CTNNA2: variants seen among roughly 807,000 people sequenced by gnomAD.
CTNNA2 encodes the protein catenin alpha 2.
In CTNNA2, 42 loss-of-function variants were observed where a neutral mutation model predicts 101.0. The ratio of observed to expected loss-of-function variants is 0.42; its 90% CI spans 0.32 to 0.54. The LOEUF is 0.54. CTNNA2 is among the 20% of genes least tolerant of loss of function. The probability of loss-of-function intolerance (pLI) is 0.14; values close to 1 mark genes in which losing one functional copy is unlikely to be tolerated. For synonymous variants in CTNNA2, 450 were observed against 456.4 expected (o/e 0.99, Z 0.18); for missense variants, 871 against 1,223.1 (o/e 0.71, Z 4.29).
At chr2:80,574,531 C>T (rs1187389859) in intron 13 of CTNNA2, among the ~76,000 whole-genome samples, 1 of 152,172 alleles carries the variant, frequency 6.6e-6, no homozygotes, top group South Asian at 2.1e-4. Context: ...GGGCAACACC[C>T]TGCCTACTTG....
At chr2:80,141,942 C>G (rs1022205681) in intron 7 of CTNNA2, among the ~76,000 whole-genome samples, 1 of 151,616 alleles carries the variant, frequency 6.6e-6, no homozygotes, top group Admixed American at 6.6e-5. Context: ...AATCCAGATC[C>G]CCACCAAATG....
intron 2 of CTNNA2, among the ~76,000 whole-genome samples, chr2:79,218,210 A>AT (rs1432796497): frequency 6.6e-6 from 1 of 152,128 alleles, no homozygotes; most frequent in Non-Finnish European, 1.5e-5. Flanking sequence ...TAGGGCTTCC[A>AT]TCACCCTGCC....
At chr2:79,622,320 A>G (rs1188987124) in intron 1 of CTNNA2, among the ~76,000 whole-genome samples, 2 of 152,034 alleles carry the variant, frequency 1.3e-5, no homozygotes, top group Non-Finnish European at 2.9e-5. Flanking sequence ...TTCCTTTTAC[A>G]TGGTGCTGAA....
At chr2:79,773,355 G>T (rs1034694770) in intron 3 of CTNNA2, among the ~76,000 whole-genome samples, 3 of 152,196 alleles carry the variant, frequency 2.0e-5, no homozygotes, top group Non-Finnish European at 4.4e-5. Flanking sequence ...ATGTGCCCAA[G>T]GTGGTTAGGG....
intron 2 of CTNNA2, among the ~76,000 whole-genome samples, chr2:79,666,136 T>A (rs775317748): frequency 6.6e-6 from 1 of 152,200 alleles, no homozygotes; most frequent in Non-Finnish European, 1.5e-5. Context: ...TTTCAGGATA[T>A]TTTAGTGACT....
chr2:79,662,337 A>G (rs982790656), intron 2 of CTNNA2, among the ~76,000 whole-genome samples: 1 of 152,132 alleles, frequency 6.6e-6, no homozygotes, highest in African/African-American at 2.4e-5. Context: ...TACTTAGCAA[A>G]TACTGTCAAT....
intron 1 of CTNNA2, among the ~76,000 whole-genome samples, chr2:79,619,238 T>C (rs900588727): frequency 5.3e-5 from 8 of 152,142 alleles, no homozygotes; most frequent in Admixed American, 2.6e-4. Flanking sequence ...CCATACATTA[T>C]CAGTTTTGAG....
rs1000498738 is a variant in CTNNA2, at chr2:80,033,216, C to CA, written c.1056+123424dup. On this transcript the variant is annotated intron_variant, in intron 7 of 18. Transcript: ENST00000402739. ...AAACAACAACACAAAAACACATTAG[C>CA]AAAAACATGACAGATTCATAAGTCA... Among the ~76,000 whole-genome samples the CA allele has an allele frequency of 1.4e-4, 21 of 150,308 alleles. 2 individuals carry two copies. Among genetic ancestry groups the CA allele is most frequent in the Admixed American group, 1.1e-3 (16 of 15,100 alleles).
intron 2 of CTNNA2, among the ~76,000 whole-genome samples, chr2:79,663,782 T>A (rs1333744501): frequency 6.6e-6 from 1 of 152,222 alleles, no homozygotes; most frequent in African/African-American, 2.4e-5. Context: ...GGAAGTCTCA[T>A]GTAGATAGAA....
At position 80,109,663 on chromosome 2, in the gene CTNNA2, G is replaced by T. The variant is rs188329286; in HGVS notation, c.1056+199866G>T. 4.2e-3 allele frequency among the ~76,000 whole-genome samples: 628 copies of T among 150,714 alleles called. 6 individuals carry two copies. Among genetic ancestry groups the T allele is most frequent in the African/African-American group, 0.015 (587 of 40,088 alleles). ...GCTTCTCAAAAACCTTCTGTTTGGC[G>T]TGGAAACACATGCTCTGATCTGTAT... On this transcript the variant is annotated intron_variant, in intron 7 of 18. Coordinates refer to ENST00000402739, the MANE Select transcript of CTNNA2 (RefSeq NM_001282597.3).
chr2:79,969,329 C>T (rs974758607), intron 7 of CTNNA2, among the ~76,000 whole-genome samples: 16 of 152,170 alleles, frequency 1.1e-4, no homozygotes, highest in Admixed American at 2.0e-4. Context: ...TTTGGAGCCC[C>T]GTGCTCTAAA....
intron 7 of CTNNA2, among the ~76,000 whole-genome samples, chr2:80,147,197 T>G (rs1398375543): frequency 6.6e-6 from 1 of 151,930 alleles, no homozygotes; most frequent in East Asian, 1.9e-4. Flanking sequence ...AACTCCTGAC[T>G]TCAGGTGATC....
chr2:79,771,224 A>C (rs1673550331), intron 3 of CTNNA2, among the ~76,000 whole-genome samples: 1 of 152,198 alleles, frequency 6.6e-6, no homozygotes. Flanking sequence ...GAATATACTT[A>C]AAAATCAGAA....
At chr2:79,385,073 T>C (rs950541778) in intron 4 of CTNNA2, among the ~76,000 whole-genome samples, 1 of 152,232 alleles carries the variant, frequency 6.6e-6, no homozygotes, top group East Asian at 1.9e-4. Context: ...ACTTGCTTTT[T>C]ACTATGATTT....
intron 9 of CTNNA2, among the ~76,000 whole-genome samples, chr2:80,538,049 T>C (rs182166365): frequency 1.3e-5 from 2 of 152,316 alleles, no homozygotes; most frequent in East Asian, 3.9e-4. Context: ...TCTCTGTTCA[T>C]ATCCCTTGCC....
intron 12 of CTNNA2, among the ~76,000 whole-genome samples, chr2:80,556,425 T>G (rs183634362): frequency 3.5e-4 from 54 of 152,308 alleles, no homozygotes; most frequent in Admixed American, 2.6e-3. Flanking sequence ...AGAAAGGTGG[T>G]GGCTGCTGAC....
intron 1 of CTNNA2, among the ~76,000 whole-genome samples, chr2:79,524,200 A>G (rs180692134): frequency 1.3e-4 from 20 of 152,090 alleles, no homozygotes; most frequent in Admixed American, 1.1e-3. Flanking sequence ...TCAATTCATA[A>G]TCTTTCCATT....
intron 7 of CTNNA2, among the ~76,000 whole-genome samples, chr2:79,929,653 T>A (rs1292877402): frequency 6.6e-6 from 1 of 152,222 alleles, no homozygotes; most frequent in Non-Finnish European, 1.5e-5. Flanking sequence ...CATCTGTTGG[T>A]TGTAGGATGG....
intron 7 of CTNNA2, among the ~76,000 whole-genome samples, chr2:79,950,251 C>G (rs1341429058): frequency 6.6e-6 from 1 of 152,148 alleles, no homozygotes; most frequent in African/African-American, 2.4e-5. Flanking sequence ...CAAAAAACCA[C>G]ACCTGCAAAT....
Sources: gnomAD v4.1 joint callset for allele counts (sites outside exome capture counted in the v4.1 genomes callset) on GRCh38, gnomAD v4.1.1 for gene constraint, MANE v1.5 for transcripts, NCBI Gene and HGNC (gene_info 2026-07-23, HGNC 2026-07-21) for gene names.